The following IGF2BP3 variants were observed in gnomAD, a reference collection of about 807,000 sequenced individuals.
The protein encoded by IGF2BP3 is insulin like growth factor 2 mRNA binding protein 3.
IGF2BP3 carries 9 observed loss-of-function variants against 73.8 expected under a neutral mutation model. The ratio of observed to expected loss-of-function variants is 0.12; its 90% CI spans 0.07 to 0.21. The LOEUF is 0.21. Among genes scored for constraint, IGF2BP3 ranks in the 10% least tolerant of loss-of-function variants. The pLI, the probability that IGF2BP3 is intolerant of heterozygous loss-of-function variation, is 1.00. For missense variants in IGF2BP3, 542 were observed against 714.0 expected (o/e 0.76, Z 2.75); for synonymous variants, 258 against 256.7 (o/e 1.01, Z -0.05).
intron 5 of IGF2BP3, among the ~76,000 whole-genome samples, chr7:23,360,235 C>T (rs1298680700): frequency 2.0e-5 from 3 of 152,128 alleles, no homozygotes; most frequent in Non-Finnish European, 4.4e-5. Context: ...TACATACACA[C>T]GACATGCAAA....
Position 23,327,933 on chromosome 7 carries a change from T to C in IGF2BP3, c.1204-8679A>G, listed in dbSNP as rs369190299. On this transcript the variant is annotated intron_variant, in intron 10 of 14. Coordinates refer to ENST00000258729, the MANE Select transcript of IGF2BP3 (RefSeq NM_006547.3). ...AACCCCACATCAGACACACAGGCCG[T>C]GCCACTCGCTTGTCCCCCAATGCAG... 6.6e-5 allele frequency among the ~76,000 whole-genome samples: 10 copies of C among 152,264 alleles called. No homozygotes were observed. The East Asian group carries it at 7.7e-4, about 12-fold the overall frequency.
Position 23,418,811 on chromosome 7 carries a change from G to T in IGF2BP3, c.250C>A (p.Gln84Lys). Residue 84 changes from glutamine (Q) to lysine (K), a missense_variant, in exon 3 of 15, where the codon CAG becomes AAG. Gln to Lys is a moderately conservative substitution (Grantham distance 53). Transcript: ENST00000258729. ...AAATGAGGCGGGATATTTCGTATCT[G>T]AAGTTTCCGAATCCTGCAGAAGAAT... ...VPKRQRIRKL[Q>K]IRNIPPHLQW... is the part of the protein sequence containing the mutation. 6.3e-7 allele frequency: 1 copy of T among 1,580,302 alleles called. No homozygotes were observed. Among genetic ancestry groups the T allele is most frequent in the East Asian group, 2.3e-5 (1 of 44,338 alleles).
At chr7:23,454,711 C>G in intron 2 of IGF2BP3, among the ~76,000 whole-genome samples, 1 of 152,190 alleles carries the variant, frequency 6.6e-6, no homozygotes, top group East Asian at 1.9e-4. Context: ...AGCAAGATGC[C>G]ACTGGCCCAC....
chr7:23,314,592 C>T (rs535622843), intron 12 of IGF2BP3, among the ~76,000 whole-genome samples: 74 of 152,070 alleles, frequency 4.9e-4, no homozygotes, highest in Non-Finnish European at 1.0e-3. Flanking sequence ...CCAGTGCAAG[C>T]CACCACACCT....
intron 2 of IGF2BP3, among the ~76,000 whole-genome samples, chr7:23,458,399 T>C (rs1562764015): frequency 6.6e-6 from 1 of 151,942 alleles, no homozygotes; most frequent in Non-Finnish European, 1.5e-5. Context: ...ACTCTCCTGT[T>C]CCTCAGCAGT....
intron 3 of IGF2BP3, among the ~76,000 whole-genome samples, chr7:23,373,569 A>G (rs947886267): frequency 2.0e-5 from 3 of 152,228 alleles, no homozygotes; most frequent in Non-Finnish European, 2.9e-5. Context: ...GTTGACACAG[A>G]TGTGGAAAAA....
intron 12 of IGF2BP3, among the ~76,000 whole-genome samples, chr7:23,315,709 A>G (rs1783971179): frequency 6.6e-6 from 1 of 152,210 alleles, no homozygotes; most frequent in African/African-American, 2.4e-5. Flanking sequence ...ATTACTTAAG[A>G]CAGTCAAAAA....
At chr7:23,380,155 CTCT>C (rs1463100453) in intron 3 of IGF2BP3, among the ~76,000 whole-genome samples, 2 of 133,646 alleles carry the variant, frequency 1.5e-5, no homozygotes, top group Non-Finnish European at 3.0e-5. Flanking sequence ...CCCACTATGC[CTCT>C]TTTTTTTTTT....
At chr7:23,416,976 A>T (rs911721976) in intron 3 of IGF2BP3, among the ~76,000 whole-genome samples, 1 of 152,176 alleles carries the variant, frequency 6.6e-6, no homozygotes, top group African/African-American at 2.4e-5. Context: ...GAATCATTTG[A>T]ACCTGGGAGG....
chr7:23,408,304 G>A (rs2128529629), intron 3 of IGF2BP3, among the ~76,000 whole-genome samples: 1 of 152,210 alleles, frequency 6.6e-6, no homozygotes, highest in East Asian at 1.9e-4. Context: ...ATACATAATT[G>A]TCTAAGTAGA....
chr7:23,468,341 C>T (rs942401310), intron 2 of IGF2BP3, 141 bp downstream of exon 2: 5 of 852,718 alleles, frequency 5.9e-6, no homozygotes, highest in African/African-American at 5.0e-5. Context: ...CCGCCATAAA[C>T]TTAAAAGCAA....
intron 10 of IGF2BP3, among the ~76,000 whole-genome samples, chr7:23,327,345 ATCTCGG>A (rs1399927743): frequency 1.4e-5 from 2 of 147,720 alleles, no homozygotes; most frequent in Non-Finnish European, 3.0e-5. Flanking sequence ...CAGTGGCGCA[ATCTCGG>A]CTCACTGCAA....
At chr7:23,465,395 A>C (rs1171005892) in intron 2 of IGF2BP3, among the ~76,000 whole-genome samples, 1 of 152,244 alleles carries the variant, frequency 6.6e-6, no homozygotes, top group East Asian at 1.9e-4. Context: ...TAACTGCTAT[A>C]ATCTTCCCCA....
intron 13 of IGF2BP3, among the ~76,000 whole-genome samples, chr7:23,313,277 C>T (rs906032845): frequency 3.9e-5 from 6 of 152,126 alleles, no homozygotes; most frequent in African/African-American, 9.7e-5. Context: ...ATCAGGAGAA[C>T]GTTAAATGCC....
intron 10 of IGF2BP3, among the ~76,000 whole-genome samples, chr7:23,330,654 G>C (rs1020836297): frequency 3.3e-5 from 5 of 152,164 alleles, no homozygotes; most frequent in African/African-American, 1.2e-4. Context: ...ATGTTGGCCG[G>C]GCTGGTCTTG....
intron 5 of IGF2BP3, among the ~76,000 whole-genome samples, chr7:23,355,020 G>A (rs1308809791): frequency 1.3e-5 from 2 of 152,092 alleles, no homozygotes; most frequent in Non-Finnish European, 2.9e-5. Context: ...CACAAAGTTT[G>A]TTATTCATCT....
At chr7:23,341,689 A>G (rs1784716159) in intron 10 of IGF2BP3, among the ~76,000 whole-genome samples, 1 of 151,946 alleles carries the variant, frequency 6.6e-6, no homozygotes, top group South Asian at 2.1e-4. Flanking sequence ...TTAAATAACC[A>G]CCATGGCACA....
chr7:23,443,675 A>T (rs922095086), intron 2 of IGF2BP3, among the ~76,000 whole-genome samples: 2 of 151,838 alleles, frequency 1.3e-5, no homozygotes, highest in African/African-American at 4.8e-5. Flanking sequence ...TCCATCTCAA[A>T]AATAATAATA....
At chr7:23,465,830 A>G (rs921777213) in intron 2 of IGF2BP3, among the ~76,000 whole-genome samples, 1 of 152,094 alleles carries the variant, frequency 6.6e-6, no homozygotes, top group Non-Finnish European at 1.5e-5. Flanking sequence ...CAACTATCAG[A>G]GCAACCCCCA....
Sources: gnomAD v4.1 joint callset for allele counts (sites outside exome capture counted in the v4.1 genomes callset) on GRCh38, gnomAD v4.1.1 for gene constraint, MANE v1.5 for transcripts, NCBI Gene and HGNC (gene_info 2026-07-23, HGNC 2026-07-21) for gene names.